Variants in NAV1 observed in about 807,000 individuals in gnomAD.
NAV1 encodes the protein neuron navigator 1.
NAV1 carries 18 observed loss-of-function variants against 175.2 expected under a neutral mutation model. The observed-to-expected ratio is 0.10, with a 90% confidence interval of 0.07 to 0.15. The LOEUF (loss-of-function observed/expected upper bound fraction) is 0.15, where lower values mean the gene tolerates loss of function less well. Among genes scored for constraint, NAV1 ranks in the 10% least tolerant of loss-of-function variants. The pLI is 1.00. For synonymous variants in NAV1, 897 were observed against 978.7 expected, an observed-to-expected ratio of 0.92 and a Z score of 1.56; for missense variants, 1,731 against 2,436.6, an observed-to-expected ratio of 0.71 and a Z score of 6.10.
Position 201,781,129 on chromosome 1 carries a change from C to A in NAV1, c.1483C>A (p.Pro495Thr), listed in dbSNP as rs1373622386. The A allele has an allele frequency of 2.5e-6, 4 of 1,614,062 alleles. No individual in the cohort carries two copies. The highest frequency in any genetic ancestry group is 1.3e-5 in the African/African-American group (1 of 74,898). ...CGACAGTGGTAGCCTGAAGATGGAA[C>A]CTGGGACTTCTAAGTGGCGGAGGGA... is the stretch of plus-strand genomic sequence containing the variant. The change falls in exon 5 of 30, where the codon CCT becomes ACT. Residue 495 changes from proline (P) to threonine (T), a missense_variant. By Grantham distance (38) the Pro-to-Thr change is conservative. Coordinates refer to ENST00000367296, the Ensembl canonical transcript of NAV1.
intron 1 of NAV1, among the ~76,000 whole-genome samples, chr1:201,711,134 G>A (rs190333197): frequency 1.7e-3 from 265 of 152,346 alleles, no homozygotes; most frequent in African/African-American, 6.0e-3. Flanking sequence ...AGGCATTGGC[G>A]GCCACGGAAG....
chr1:201,607,122 T>C (rs932144473), intron 2 of NAV1, among the ~76,000 whole-genome samples: 2 of 143,128 alleles, frequency 1.4e-5, no homozygotes, highest in East Asian at 2.0e-4. Flanking sequence ...TTTCTTTTTT[T>C]TTTTTTTTTT....
At chr1:201,689,614 A>G (rs1670820640) in intron 1 of NAV1, among the ~76,000 whole-genome samples, 1 of 152,190 alleles carries the variant, frequency 6.6e-6, no homozygotes, top group African/African-American at 2.4e-5. Flanking sequence ...TGGAGCACAT[A>G]TACCCTTTCC....
rs527368722 is a variant in NAV1 at position 201,734,392 on chromosome 1, G to A, written c.1226+15637G>A. Among the ~76,000 whole-genome samples, 6 of 150,778 alleles carry A rather than the reference G, an allele frequency of 4.0e-5. No homozygotes were observed. In the East Asian group the frequency reaches 1.2e-3, roughly 30 times the overall value. ...CCACTGCACTCCAGCCTGGGTGACA[G>A]AGCAAGACCCTGTCTCAAAAAAGAA... On this transcript the variant is annotated intron_variant, in intron 3 of 29. Coordinates refer to ENST00000367296, the Ensembl canonical transcript of NAV1.
intron 6 of NAV1, 147 bp downstream of exon 10, chr1:201,783,016 C>G: frequency 1.5e-6 from 1 of 684,592 alleles, no homozygotes; most frequent in South Asian, 2.1e-5. Flanking sequence ...CCCCCATATG[C>G]CAAGGTTCTG....
chr1:201,788,000 C>T lies in NAV1; in HGVS notation c.2996-468C>T, dbSNP rs1433040685. Among the ~76,000 whole-genome samples the T allele has an allele frequency of 6.6e-6, 1 of 152,200 alleles. No individual in the cohort carries two copies. Among genetic ancestry groups the T allele is most frequent in the Non-Finnish European group, 1.5e-5 (1 of 68,036 alleles). On this transcript the variant is annotated intron_variant, in intron 9 of 29. Transcript: ENST00000367296. The surrounding 1 kb of genome is among the most constrained non-coding windows in gnomAD (Gnocchi z 4.3). ...CCACAATGCCAGGGCAACGGGATCC[C>T]GTAGCCCAGCCCCCTTCTCTAGCTG... is the stretch of plus-strand genomic sequence containing the variant.
Position 201,597,053 on chromosome 1 carries a change from T to G in NAV1, c.-33+8404T>G, listed in dbSNP as rs367638564. On this transcript the variant is annotated intron_variant, in intron 2 of 33. Transcript: ENST00000685211. ...GTTGGCCAGGCTGGTCTCAAACTCC[T>G]AACCTCAAGTGATCCTCCTGCCTCG... 7.2e-5 allele frequency among the ~76,000 whole-genome samples: 11 copies of G among 152,278 alleles called. No individual in the cohort carries two copies. The East Asian group carries it at 2.1e-3, about 29-fold the overall frequency.
chr1:201,790,649 C>T (rs1365475176), intron 12 of NAV1, 40 bp from the exon 17 acceptor site: 1 of 1,613,758 alleles, frequency 6.2e-7, no homozygotes, highest in African/African-American at 1.3e-5. Flanking sequence ...TCTTATACAG[C>T]TTCTGCAGCC....
At chr1:201,706,887 A>G (rs1671692702) in intron 1 of NAV1, among the ~76,000 whole-genome samples, 1 of 152,174 alleles carries the variant, frequency 6.6e-6, no homozygotes, top group African/African-American at 2.4e-5. Flanking sequence ...ATGGATTCCC[A>G]TGAGTCTCCT....
chr1:201,731,554 G>T (rs1429238222), intron 3 of NAV1, among the ~76,000 whole-genome samples: 2 of 152,078 alleles, frequency 1.3e-5, no homozygotes, highest in East Asian at 3.9e-4. Flanking sequence ...TCTTTCTTGT[G>T]GGGCATCTCC....
At chr1:201,657,832 G>A (rs762707058) in intron 1 of NAV1, among the ~76,000 whole-genome samples, 1 of 152,176 alleles carries the variant, frequency 6.6e-6, no homozygotes, top group Non-Finnish European at 1.5e-5. Context: ...AGGAGTTTGA[G>A]ACCAGCTTGG....
At chr1:201,663,816 G>A (rs527327) in intron 1 of NAV1, among the ~76,000 whole-genome samples, 2,541 of 152,184 alleles carry the variant, frequency 0.017, 27 homozygotes, top group Non-Finnish European at 0.027. Flanking sequence ...CCATGGGGGA[G>A]ATGGGAAAAA....
chr1:201,653,392 G>A (rs999675687), intron 1 of NAV1, among the ~76,000 whole-genome samples: 1 of 152,076 alleles, frequency 6.6e-6, no homozygotes, highest in Non-Finnish European at 1.5e-5. Context: ...CCACACAAGC[G>A]GTTGTCATGA....
intron 1 of NAV1, among the ~76,000 whole-genome samples, chr1:201,662,627 G>A (rs1438038090): frequency 6.6e-6 from 1 of 152,150 alleles, no homozygotes; most frequent in Non-Finnish European, 1.5e-5. Context: ...CAGCAGGGGG[G>A]GTAATTATAT....
intron 1 of NAV1, among the ~76,000 whole-genome samples, chr1:201,664,182 A>G (rs1406909937): frequency 6.6e-6 from 1 of 152,126 alleles, no homozygotes; most frequent in East Asian, 1.9e-4. Flanking sequence ...CTCTACTAAA[A>G]ATACAAAAAT....
At chr1:201,572,293 G>T (rs1666567572) in intron 1 of NAV1, among the ~76,000 whole-genome samples, 1 of 152,138 alleles carries the variant, frequency 6.6e-6, no homozygotes, top group African/African-American at 2.4e-5. Context: ...TTCCCTGAGA[G>T]CAGCATTGTG....
chr1:201,692,593 C>T (rs1034973259), intron 1 of NAV1, among the ~76,000 whole-genome samples: 72 of 152,308 alleles, frequency 4.7e-4, no homozygotes, highest in African/African-American at 1.7e-3. Context: ...CCATTTCCCC[C>T]TGATTTGTGT....
chr1:201,643,361 CTT>C (rs1668871204), upstream of NAV1, among the ~76,000 whole-genome samples: 3 of 141,386 alleles, frequency 2.1e-5, no homozygotes, highest in South Asian at 4.4e-4. Flanking sequence ...TCTTCCCTCT[CTT>C]CTTTCTTTCT....
chr1:201,819,532 C>T (rs1343007018), intron 29 of NAV1, among the ~76,000 whole-genome samples: 1 of 150,716 alleles, frequency 6.6e-6, no homozygotes, highest in African/African-American at 2.5e-5. Context: ...TCAAAGCTCA[C>T]TGCTGCCTCA....
Sources: gnomAD v4.1 joint callset for allele counts (sites outside exome capture counted in the v4.1 genomes callset) on GRCh38, gnomAD v4.1.1 for gene constraint, Gnocchi (gnomAD v3.1) non-coding constraint, MANE v1.5 for transcripts, NCBI Gene and HGNC (gene_info 2026-07-23, HGNC 2026-07-21) for gene names.